LARGE1: variants seen among roughly 807,000 people sequenced by gnomAD.
LARGE1 encodes the protein xylosyl- and glucuronyltransferase LARGE1.
Under a neutral mutation model 87.6 loss-of-function variants are expected in LARGE1, and 43 were observed. The observed-to-expected ratio is 0.49, with a 90% CI of 0.38 to 0.63. The LOEUF (loss-of-function observed/expected upper bound fraction) is 0.63. Among genes scored for constraint, LARGE1 ranks in the 30% least tolerant of loss-of-function variants. The pLI is 0.00. For missense variants in LARGE1, 802 were observed against 1,000.2 expected, an observed-to-expected ratio of 0.80 and a Z score of 2.67; for synonymous variants, 434 against 394.6, an observed-to-expected ratio of 1.10 and a Z score of -1.18.
intron 11 of LARGE1, among the ~76,000 whole-genome samples, chr22:33,263,836 CT>C (rs1927780205): frequency 6.6e-6 from 1 of 152,248 alleles, no homozygotes; most frequent in African/African-American, 2.4e-5. Flanking sequence ...GCCATTTCAT[CT>C]CCCATCAGGG....
the LARGE1 span, among the ~76,000 whole-genome samples, chr22:33,068,415 G>A: frequency 6.6e-6 from 1 of 152,174 alleles, no homozygotes; most frequent in Admixed American, 6.5e-5. Flanking sequence ...GGAGGTCGAG[G>A]TGGGCAGATC....
At chr22:33,491,007 G>A (rs1187681844) in intron 6 of LARGE1, among the ~76,000 whole-genome samples, 1 of 152,240 alleles carries the variant, frequency 6.6e-6, no homozygotes, top group South Asian at 2.1e-4. Flanking sequence ...AGACAAACCT[G>A]AGCCTGAGAC....
chr22:33,477,195 A>G (rs1308585580), intron 6 of LARGE1, among the ~76,000 whole-genome samples: 1 of 152,238 alleles, frequency 6.6e-6, no homozygotes, highest in Non-Finnish European at 1.5e-5. Flanking sequence ...TCATATGTAC[A>G]GATTTCTTCC....
At chr22:33,391,183 T>A (rs1224697617) in intron 7 of LARGE1, among the ~76,000 whole-genome samples, 1 of 152,072 alleles carries the variant, frequency 6.6e-6, no homozygotes, top group African/African-American at 2.4e-5. Flanking sequence ...AGGTCCTGCA[T>A]TCAGAAGTCA....
intron 2 of LARGE1, among the ~76,000 whole-genome samples, chr22:33,684,399 G>A (rs569735468): frequency 2.6e-5 from 4 of 151,888 alleles, no homozygotes; most frequent in Admixed American, 6.6e-5. Flanking sequence ...CGCACCCCTG[G>A]CTTCCACAGG....
chr22:33,474,012 G>A (rs2068968379), intron 6 of LARGE1, among the ~76,000 whole-genome samples: 1 of 152,160 alleles, frequency 6.6e-6, no homozygotes, highest in South Asian at 2.1e-4. Flanking sequence ...GGGAAAGGAG[G>A]TTGGTCTGCC....
chr22:33,877,107 T>C (rs2064491701), intron 1 of LARGE1, among the ~76,000 whole-genome samples: 1 of 152,180 alleles, frequency 6.6e-6, no homozygotes, highest in South Asian at 2.1e-4. Flanking sequence ...AAGTATTTAC[T>C]GAGCGTCTTC....
At chr22:33,890,274 G>A (rs1156412109) in intron 1 of LARGE1, among the ~76,000 whole-genome samples, 2 of 152,062 alleles carry the variant, frequency 1.3e-5, no homozygotes, top group East Asian at 3.9e-4. Context: ...TGCAAGGCGG[G>A]GCTCACACTC....
chr22:33,709,984 A>C (rs7289968), intron 2 of LARGE1, among the ~76,000 whole-genome samples: 15 of 139,756 alleles, frequency 1.1e-4, no homozygotes, highest in East Asian at 4.6e-4. Flanking sequence ...AGGCAGAAAA[A>C]AAAAAAAAAA....
intron 1 of LARGE1, among the ~76,000 whole-genome samples, chr22:33,824,803 C>G (rs1363386233): frequency 6.6e-6 from 1 of 152,118 alleles, no homozygotes; most frequent in Non-Finnish European, 1.5e-5. Context: ...AGAAAAGTGT[C>G]AAGAGAAGTA....
intron 2 of LARGE1, among the ~76,000 whole-genome samples, chr22:33,742,786 T>C (rs1213812636): frequency 1.3e-5 from 2 of 152,196 alleles, no homozygotes; most frequent in Non-Finnish European, 2.9e-5. Flanking sequence ...AATAATGTCT[T>C]TTTTTAATTT....
At chr22:33,403,575 C>T (rs150418150) in intron 7 of LARGE1, among the ~76,000 whole-genome samples, 205 of 152,094 alleles carry the variant, frequency 1.3e-3, no homozygotes, top group African/African-American at 4.8e-3. Flanking sequence ...TACTTGTTTT[C>T]GGTCTTACCT....
the LARGE1 span, among the ~76,000 whole-genome samples, chr22:33,102,687 C>T: frequency 1.3e-5 from 2 of 151,862 alleles, no homozygotes; most frequent in African/African-American, 2.4e-5. Flanking sequence ...GACGGGGTTT[C>T]GCCATGTTGA....
chr22:33,384,308 G>A lies in LARGE1; in HGVS notation c.893-4C>T. ...TCCAGAAGTAACAGGATCACCCCTG[G>A]GCAACAGCACAGGATAAAAGAGAAA... On this transcript the variant is annotated splice_region_variant and splice_polypyrimidine_tract_variant and intron_variant, in intron 7 of 14. Coordinates refer to ENST00000397394, the MANE Select transcript of LARGE1 (RefSeq NM_133642.5). The A allele has an allele frequency of 6.3e-7, 1 of 1,598,892 alleles. No homozygotes were observed. The highest frequency in any genetic ancestry group is 1.7e-4 in the Middle Eastern group (1 of 5,880).
At chr22:33,108,892 T>C in the LARGE1 span, among the ~76,000 whole-genome samples, 3 of 152,140 alleles carry the variant, frequency 2.0e-5, no homozygotes, top group Non-Finnish European at 2.9e-5. Flanking sequence ...AGCTAGATTA[T>C]TTGTGTTAAG....
At chr22:33,778,945 C>G (rs564936849) in intron 1 of LARGE1, among the ~76,000 whole-genome samples, 1 of 152,284 alleles carries the variant, frequency 6.6e-6, no homozygotes, top group Admixed American at 6.5e-5. Flanking sequence ...GCCACCGCAC[C>G]CAGCCTAGCA....
At chr22:33,094,541 T>C in the LARGE1 span, among the ~76,000 whole-genome samples, 3 of 152,048 alleles carry the variant, frequency 2.0e-5, no homozygotes, top group East Asian at 5.8e-4. Flanking sequence ...TCCAGTCCTT[T>C]GCATTTGCTG....
rs112117781 is a variant in LARGE1, at chr22:33,745,051, C to A, written c.106+16320G>T. On this transcript the variant is annotated intron_variant, in intron 2 of 14. Transcript: ENST00000397394. ...ATTTCTATTATCCCACACTAAGGAC[C>A]GAGGGAAGGAATTGCCTCAAAGCCT... 3.6e-3 allele frequency among the ~76,000 whole-genome samples: 554 copies of A among 152,236 alleles called. 4 individuals carry two copies. Among genetic ancestry groups the A allele is most frequent in the African/African-American group, 0.013 (541 of 41,528 alleles).
At chr22:33,829,006 C>CTTTTTTTTTT (rs776583343) in intron 1 of LARGE1, among the ~76,000 whole-genome samples, 31 of 94,772 alleles carry the variant, frequency 3.3e-4, no homozygotes, top group Non-Finnish European at 4.1e-4. Flanking sequence ...GTCTCTTTTT[C>CTTTTTTTTTT]TTTTTTTTTT....
Sources: allele counts gnomAD v4.1 joint callset (sites outside exome capture counted in the v4.1 genomes callset), GRCh38; gene constraint gnomAD v4.1.1; transcripts MANE v1.5; gene names NCBI Gene and HGNC (gene_info 2026-07-23, HGNC 2026-07-21).